Variants in ANO2 observed in about 807,000 individuals in gnomAD.
ANO2 encodes the protein anoctamin-2.
ANO2 carries 101 observed loss-of-function variants against 124.2 expected under a neutral mutation model. The observed-to-expected ratio is 0.81, with a 90% CI of 0.69 to 0.96. The LOEUF (loss-of-function observed/expected upper bound fraction) is 0.96. Ranked by LOEUF, ANO2 falls within the 40% of genes least tolerant of loss-of-function variation. The probability of loss-of-function intolerance (pLI) is 0.00; values close to 1 mark genes in which losing one functional copy is unlikely to be tolerated. For missense variants in ANO2, 1,293 were observed against 1,274.5 expected, an observed-to-expected ratio of 1.01 and a Z score of -0.22; for synonymous variants, 486 against 482.5, an observed-to-expected ratio of 1.01 and a Z score of -0.09.
intron 3 of ANO2, among the ~76,000 whole-genome samples, chr12:5,894,884 G>A (rs1299808076): frequency 1.3e-5 from 2 of 152,162 alleles, no homozygotes. Context: ...TGCTGTTTTG[G>A]TTCCTGTAGG....
chr12:5,885,324 T>C (rs189194329), intron 3 of ANO2, among the ~76,000 whole-genome samples: 4 of 152,360 alleles, frequency 2.6e-5, no homozygotes, highest in African/African-American at 9.6e-5. Context: ...AAAGAGCAAC[T>C]GAATCAAAAT....
At chr12:5,744,362 G>A (rs991660291) in intron 11 of ANO2, 45 bp from the exon 12 acceptor site, 1 of 1,604,312 alleles carries the variant, frequency 6.2e-7, no homozygotes, top group Non-Finnish European at 8.5e-7. Context: ...CTCAAGCATG[G>A]TCCACTCCAA....
At chr12:5,888,618 G>A (rs1437478484) in intron 3 of ANO2, among the ~76,000 whole-genome samples, 1 of 152,178 alleles carries the variant, frequency 6.6e-6, no homozygotes, top group Non-Finnish European at 1.5e-5. Context: ...GACACAGAGT[G>A]TGGACACAAA....
chr12:5,697,070 C>T (rs548014692), intron 14 of ANO2, among the ~76,000 whole-genome samples: 54 of 152,190 alleles, frequency 3.5e-4, no homozygotes, highest in Non-Finnish European at 5.4e-4. Context: ...CTAGCACCTA[C>T]ATTTTTATTC....
At chr12:5,781,921 C>T (rs1436203697) in intron 10 of ANO2, among the ~76,000 whole-genome samples, 1 of 152,170 alleles carries the variant, frequency 6.6e-6, no homozygotes, top group African/African-American at 2.4e-5. Context: ...AATAATGTTT[C>T]TGCTGCAGTT....
chr12:5,582,328 T>C (rs998380982), intron 20 of ANO2, among the ~76,000 whole-genome samples: 1 of 152,156 alleles, frequency 6.6e-6, no homozygotes, highest in Non-Finnish European at 1.5e-5. Context: ...GCAAACCCCA[T>C]TGGTTTTCTC....
At chr12:5,860,454 A>C (rs915989414) in intron 3 of ANO2, among the ~76,000 whole-genome samples, 11 of 152,220 alleles carry the variant, frequency 7.2e-5, no homozygotes, top group African/African-American at 2.7e-4. Flanking sequence ...CCTGACGTAT[A>C]GTAAGTGCTC....
Position 5,701,018 on chromosome 12 carries a change from G to A in ANO2, c.1545+31502C>T, listed in dbSNP as rs79524162. ...CTTTCAGATGCTCCCAAATCCATCCGTCCAACACTGATGTAGCATTAAACC... is the reference window on the plus strand; with the variant it reads ...CTTTCAGATGCTCCCAAATCCATCCATCCAACACTGATGTAGCATTAAACC... On this transcript the variant is annotated intron_variant, in intron 14 of 24. Coordinates refer to ENST00000682330, the MANE Select transcript of ANO2 (RefSeq NM_001364791.2). Among the ~76,000 whole-genome samples, 9 of 124,248 alleles carry A rather than the reference G, an allele frequency of 7.2e-5. No homozygotes were observed. In the Admixed American group the frequency reaches 7.3e-4, roughly 10 times the overall value. 81.5% of individuals were successfully genotyped at this position (124,248 alleles called of 152,430 possible). A position where few individuals can be genotyped will look rare whatever the true frequency, so the allele number is the denominator to read the frequency against.
intron 8 of ANO2, 98 bp from the exon 9 acceptor site, chr12:5,806,191 C>CT (rs1039602284): frequency 6.3e-5 from 79 of 1,263,378 alleles, no homozygotes; most frequent in East Asian, 1.3e-4. Flanking sequence ...AATATCATTG[C>CT]TTTTTTTTCA....
At chr12:5,865,150 A>G (rs1296318490) in intron 3 of ANO2, among the ~76,000 whole-genome samples, 1 of 152,192 alleles carries the variant, frequency 6.6e-6, no homozygotes, top group Admixed American at 6.5e-5. Flanking sequence ...CTCTCCCTTA[A>G]AGAATCTTTA....
Position 5,921,026 on chromosome 12 carries a change from C to T in ANO2, c.534+14G>A. 2 of 1,595,708 alleles carry T rather than the reference C, an allele frequency of 1.3e-6. No homozygotes were observed. Among genetic ancestry groups the T allele is most frequent in the South Asian group, 2.2e-5 (2 of 89,502 alleles). On this transcript the variant is annotated intron_variant, in intron 3 of 24. Transcript: ENST00000682330. ...CATTCCATCTCCAAGTCCCTGGCCACCCGCCTGACTCACCTCCAAGTCCTT... is the reference window on the plus strand; with the variant it reads ...CATTCCATCTCCAAGTCCCTGGCCATCCGCCTGACTCACCTCCAAGTCCTT...
intron 23 of ANO2, among the ~76,000 whole-genome samples, chr12:5,571,724 A>G (rs1286505435): frequency 6.6e-6 from 1 of 151,676 alleles, no homozygotes; most frequent in Non-Finnish European, 1.5e-5. Context: ...TCTCTCTTCC[A>G]TGTACACATA....
chr12:5,582,807 T>A (rs369414207), intron 20 of ANO2, among the ~76,000 whole-genome samples: 2 of 152,156 alleles, frequency 1.3e-5, no homozygotes, highest in African/African-American at 4.8e-5. Flanking sequence ...TGTCTGTAAT[T>A]TTCCTTTTCT....
At chr12:5,839,728 T>C in intron 4 of ANO2, 1 of 428,112 alleles carries the variant, frequency 2.3e-6, no homozygotes, top group East Asian at 7.2e-5. Context: ...TGAGCATCAT[T>C]TCATCCACGG....
chr12:5,776,453 C>CA (rs950764013), intron 10 of ANO2, among the ~76,000 whole-genome samples: 2 of 152,204 alleles, frequency 1.3e-5, no homozygotes, highest in African/African-American at 4.8e-5. Context: ...AGGCATTGTA[C>CA]AAGGCCCTGT....
intron 3 of ANO2, among the ~76,000 whole-genome samples, chr12:5,866,821 G>A (rs543982312): frequency 6.6e-6 from 1 of 152,322 alleles, no homozygotes; most frequent in African/African-American, 2.4e-5. Flanking sequence ...TTTCACCCAG[G>A]TTCGTTATAT....
At chr12:5,768,356 G>A (rs548611249) in intron 10 of ANO2, among the ~76,000 whole-genome samples, 25 of 152,072 alleles carry the variant, frequency 1.6e-4, no homozygotes, top group Non-Finnish European at 2.9e-4. Context: ...TCATATTCCC[G>A]CCACCCCATT....
chr12:5,796,059 AT>A (rs1263108866), intron 10 of ANO2, among the ~76,000 whole-genome samples: 2 of 152,078 alleles, frequency 1.3e-5, no homozygotes, highest in Non-Finnish European at 2.9e-5. Context: ...GGTCTTCTGG[AT>A]TGGGGTGCAC....
chr12:5,600,961 T>C (rs919456176), intron 19 of ANO2, among the ~76,000 whole-genome samples: 3 of 152,198 alleles, frequency 2.0e-5, no homozygotes, highest in Admixed American at 6.5e-5. Context: ...GAAAATCTAA[T>C]AGTTCAAAAT....
Sources: gnomAD v4.1 joint callset for allele counts (sites outside exome capture counted in the v4.1 genomes callset) on GRCh38, gnomAD v4.1.1 for gene constraint, MANE v1.5 for transcripts, NCBI Gene and HGNC (gene_info 2026-07-23, HGNC 2026-07-21) for gene names.